CNTN5: variants seen among roughly 807,000 people sequenced by gnomAD.
CNTN5 encodes contactin-5.
CNTN5 carries 77 observed loss-of-function variants against 129.1 expected under a neutral mutation model. The ratio of observed to expected loss-of-function variants is 0.60; its 90% CI spans 0.50 to 0.72. The LOEUF is 0.72. Ranked by LOEUF, CNTN5 falls within the 30% of genes least tolerant of loss-of-function variation. CNTN5 has a pLI of 0.00. For missense variants in CNTN5, 1,478 were observed against 1,328.8 expected (o/e 1.11, Z -1.75); for synonymous variants, 509 against 465.6 (o/e 1.09, Z -1.20).
At chr11:99,502,414 G>A (rs75948728) in intron 2 of CNTN5, among the ~76,000 whole-genome samples, 3,070 of 152,116 alleles carry the variant, frequency 0.02, 119 homozygotes, top group African/African-American at 0.068. Flanking sequence ...TGAATCACGG[G>A]GGTTGGGGGG....
At chr11:99,580,294 T>G (rs995521073) in intron 3 of CNTN5, among the ~76,000 whole-genome samples, 4 of 152,186 alleles carry the variant, frequency 2.6e-5, no homozygotes, top group African/African-American at 9.7e-5. Flanking sequence ...AAATTCTCTT[T>G]TTTTGTTGTG....
intron 1 of CNTN5, among the ~76,000 whole-genome samples, chr11:99,021,847 TA>T (rs1327035828): frequency 2.8e-4 from 43 of 152,194 alleles, no homozygotes; most frequent in Admixed American, 2.7e-3. Context: ...TGTGATAGAT[TA>T]AAAAATTATG....
intron 9 of CNTN5, among the ~76,000 whole-genome samples, chr11:100,030,403 G>C (rs2137610533): frequency 6.6e-6 from 1 of 152,272 alleles, no homozygotes; most frequent in South Asian, 2.1e-4. Flanking sequence ...AGTGACTGTA[G>C]TAGACAGCAG....
intron 18 of CNTN5, among the ~76,000 whole-genome samples, chr11:100,286,167 C>T (rs967640229): frequency 0.012 from 1,807 of 152,028 alleles, 35 homozygotes; most frequent in African/African-American, 0.04. Context: ...AAGGTGGCAG[C>T]CAGGCTGGGG....
intron 2 of CNTN5, among the ~76,000 whole-genome samples, chr11:99,448,285 A>C (rs1008922117): frequency 6.6e-6 from 1 of 152,198 alleles, no homozygotes; most frequent in Admixed American, 6.5e-5. Context: ...TCTTGTGTAT[A>C]GTACCTACAG....
chr11:99,845,394 G>A (rs1317228455), intron 6 of CNTN5, 132 bp downstream of exon 6: 4 of 320,402 alleles, frequency 1.2e-5, no homozygotes, highest in African/African-American at 7.7e-5. Context: ...TTTTTTTGAG[G>A]CGGAGTCTCG....
At chr11:100,257,315 C>G (rs1009541001) in intron 17 of CNTN5, among the ~76,000 whole-genome samples, 54 of 152,284 alleles carry the variant, frequency 3.5e-4, no homozygotes, top group African/African-American at 1.3e-3. Context: ...ACTCCCATCT[C>G]CCTGGGACAG....
intron 1 of CNTN5, among the ~76,000 whole-genome samples, chr11:99,111,340 T>C (rs997588785): frequency 2.6e-5 from 4 of 151,826 alleles, no homozygotes; most frequent in African/African-American, 9.7e-5. Context: ...TTGGGAGTAA[T>C]AGGAGTGTAG....
At chr11:99,498,425 A>T (rs935148109) in intron 2 of CNTN5, among the ~76,000 whole-genome samples, 3 of 152,006 alleles carry the variant, frequency 2.0e-5, no homozygotes, top group Non-Finnish European at 2.9e-5. Flanking sequence ...TTTCCAACTA[A>T]TTTTTTTATT....
chr11:99,106,240 G>T (rs1275518359), intron 1 of CNTN5, among the ~76,000 whole-genome samples: 2 of 151,902 alleles, frequency 1.3e-5, no homozygotes, highest in African/African-American at 4.8e-5. Flanking sequence ...CAACAAATGG[G>T]AAATATGCAG....
At chr11:99,825,060 C>T (rs1390157538) in intron 4 of CNTN5, among the ~76,000 whole-genome samples, 1 of 151,934 alleles carries the variant, frequency 6.6e-6, no homozygotes, top group Non-Finnish European at 1.5e-5. Flanking sequence ...AGTTCTTGCT[C>T]ATATGGCGTT....
chr11:99,033,005 C>G (rs1300092304), intron 1 of CNTN5, among the ~76,000 whole-genome samples: 1 of 137,600 alleles, frequency 7.3e-6, no homozygotes. Context: ...GTTTTCCCAG[C>G]ACCATTTATT....
intron 3 of CNTN5, among the ~76,000 whole-genome samples, chr11:99,769,819 A>AT (rs200277281): frequency 3.8e-5 from 5 of 130,870 alleles, no homozygotes; most frequent in South Asian, 4.4e-4. Context: ...CCGTCTCAAA[A>AT]AAAAAAAAAA....
chr11:99,672,036 G>A (rs1006381053), intron 3 of CNTN5, among the ~76,000 whole-genome samples: 6 of 151,964 alleles, frequency 3.9e-5, no homozygotes, highest in Admixed American at 3.3e-4. Context: ...GCTAATCAGC[G>A]GTATCCAAAA....
At chr11:100,312,203 T>C (rs1023626705) in intron 21 of CNTN5, among the ~76,000 whole-genome samples, 3 of 152,084 alleles carry the variant, frequency 2.0e-5, no homozygotes. Context: ...CAGAACATAA[T>C]GAAAACTTTG....
At chr11:99,768,265 A>G (rs1272543932) in intron 3 of CNTN5, among the ~76,000 whole-genome samples, 1 of 152,102 alleles carries the variant, frequency 6.6e-6, no homozygotes. Context: ...GATTTTATGG[A>G]TGTATATGTA....
intron 1 of CNTN5, among the ~76,000 whole-genome samples, chr11:99,155,667 A>G (rs1860300522): frequency 6.6e-6 from 1 of 152,144 alleles, no homozygotes; most frequent in South Asian, 2.1e-4. Context: ...AAAAAAAAAA[A>G]CTAGTAAGTG....
intron 7 of CNTN5, among the ~76,000 whole-genome samples, chr11:99,943,479 A>G (rs1309432818): frequency 6.6e-6 from 1 of 152,026 alleles, no homozygotes; most frequent in East Asian, 1.9e-4. Flanking sequence ...CCCGTTCTAT[A>G]TGTTGCTTGT....
intron 2 of CNTN5, among the ~76,000 whole-genome samples, chr11:99,529,726 T>C (rs531826442): frequency 6.6e-6 from 1 of 152,122 alleles, no homozygotes; most frequent in Non-Finnish European, 1.5e-5. Context: ...CAGTAGTTGG[T>C]TAAAATTAAT....
Sources: allele counts gnomAD v4.1 joint callset (sites outside exome capture counted in the v4.1 genomes callset), GRCh38; gene constraint gnomAD v4.1.1; transcripts MANE v1.5; gene names NCBI Gene and HGNC (gene_info 2026-07-23, HGNC 2026-07-21).